Variants in TESK2 observed in about 807,000 individuals in gnomAD.
TESK2 encodes the protein testis associated actin remodelling kinase 2, also known as dual specificity testis-specific protein kinase 2.
A neutral mutation model predicts 57.1 loss-of-function variants in TESK2; 39 were observed. The observed-to-expected ratio is 0.68, with a 90% CI of 0.53 to 0.89. The LOEUF (loss-of-function observed/expected upper bound fraction) is 0.89, where lower values mean the gene tolerates loss of function less well. Ranked by LOEUF, TESK2 falls within the 40% of genes least tolerant of loss-of-function variation. TESK2 has a pLI of 0.00. For synonymous variants in TESK2, 249 were observed against 267.9 expected (o/e 0.93, Z 0.69); for missense variants, 646 against 732.1 (o/e 0.88, Z 1.36).
chr1:45,362,162 C>A (rs1484198655), intron 4 of TESK2, among the ~76,000 whole-genome samples: 2 of 152,124 alleles, frequency 1.3e-5, no homozygotes, highest in Non-Finnish European at 1.5e-5. Flanking sequence ...GATTGCCCAG[C>A]CTCCAGAAGT....
rs148755334 is a variant in TESK2, at chr1:45,403,338, G to GT, written c.345-17379dup. On this transcript the variant is annotated intron_variant, in intron 3 of 10. Transcript: ENST00000372086. ...CCAGAAGAACTATGAATCTAAACCC[G>GT]TAAAAAGGCAGTAATATCCTCGGGT... Among the ~76,000 whole-genome samples, 1,347 of 152,118 alleles carry GT rather than the reference G, an allele frequency of 8.9e-3. 21 individuals are homozygous for GT. The highest frequency in any genetic ancestry group is 0.034 in the Middle Eastern group (10 of 294).
At chr1:45,365,562 G>A (rs1035752747) in intron 4 of TESK2, among the ~76,000 whole-genome samples, 1 of 151,888 alleles carries the variant, frequency 6.6e-6, no homozygotes, top group Non-Finnish European at 1.5e-5. Context: ...TGCCCAGGCT[G>A]GAGCACAATG....
rs758096680 is a variant in TESK2, at chr1:45,345,216, A to G, written c.1340T>C (p.Leu447Pro). 1 of 1,614,128 alleles carries G rather than the reference A, an allele frequency of 6.2e-7. No individual in the cohort carries two copies. The highest frequency in any genetic ancestry group is 1.1e-5 in the South Asian group (1 of 91,088). ...ACGCCACCGGCGAATAGGTGGGGCC[A>G]GGGGCTCCTGCCAGTCAGCCAGGGG... is the stretch of plus-strand genomic sequence containing the variant. ...TMPLADWQEP[L>P]APPIRRWRSL... is the part of the protein sequence containing the mutation. The change falls in exon 11 of 11, where the codon CTG becomes CCG. Residue 447 changes from leucine (L) to proline (P), a missense_variant. Coordinates refer to ENST00000372086, the MANE Select transcript of TESK2 (RefSeq NM_007170.3).
chr1:45,427,234 CAAAAAAAAAAAA>C (rs111269135), intron 2 of TESK2, among the ~76,000 whole-genome samples: 94,421 of 129,998 alleles, frequency 0.73, 32,250 homozygotes, highest in Non-Finnish European at 0.79. Context: ...GACTCTGTCT[CAAAAAAAAAAAA>C]AAAAAAAAAA....
At chr1:45,390,507 T>C (rs964102188) in intron 3 of TESK2, among the ~76,000 whole-genome samples, 2 of 151,462 alleles carry the variant, frequency 1.3e-5, no homozygotes, top group African/African-American at 4.9e-5. Flanking sequence ...CACTAAAATA[T>C]GAATCTAATT....
intron 3 of TESK2, among the ~76,000 whole-genome samples, chr1:45,407,054 A>G (rs1420862286): frequency 6.6e-6 from 1 of 152,220 alleles, no homozygotes. Flanking sequence ...CATTCAGGGG[A>G]AAAAAATCAA....
At chr1:45,360,770 A>T (rs544829759) in intron 4 of TESK2, among the ~76,000 whole-genome samples, 28 of 152,280 alleles carry the variant, frequency 1.8e-4, no homozygotes, top group African/African-American at 6.0e-4. Flanking sequence ...ATGTTTCAAG[A>T]CCTCTGCATG....
intron 3 of TESK2, among the ~76,000 whole-genome samples, chr1:45,404,504 C>A (rs951572190): frequency 1.3e-5 from 2 of 151,732 alleles, no homozygotes; most frequent in African/African-American, 2.4e-5. Flanking sequence ...CTCATTTAAT[C>A]CTTGTAAAAA....
At chr1:45,427,787 G>A (rs962666104) in intron 2 of TESK2, among the ~76,000 whole-genome samples, 1 of 152,160 alleles carries the variant, frequency 6.6e-6, no homozygotes, top group African/African-American at 2.4e-5. Flanking sequence ...GTGTGGGGGA[G>A]TGGGGGCAGT....
At position 45,369,639 on chromosome 1, in the gene TESK2, G is replaced by A. The variant is rs547147649; in HGVS notation, c.394-14190C>T. On this transcript the variant is annotated intron_variant, in intron 4 of 10. Transcript: ENST00000372086. ...GGAGGCGGGCAGAGAGGATGCGGCC[G>A]AGAAAAAGAATCAGGAAAGGTTTTA... Among the ~76,000 whole-genome samples, 13 of 152,144 alleles carry A rather than the reference G, an allele frequency of 8.5e-5. No individual in the cohort carries two copies. The East Asian group carries it at 1.2e-3, about 14-fold the overall frequency.
chr1:45,352,320 C>G (rs1159540974), intron 5 of TESK2, among the ~76,000 whole-genome samples: 2 of 152,164 alleles, frequency 1.3e-5, no homozygotes, highest in Admixed American at 1.3e-4. Flanking sequence ...TCCTATGTTC[C>G]TAGTTTCTTG....
intron 2 of TESK2, among the ~76,000 whole-genome samples, chr1:45,441,772 A>C (rs998120549): frequency 6.6e-6 from 1 of 151,398 alleles, no homozygotes; most frequent in African/African-American, 2.4e-5. Flanking sequence ...ACGTGCCACC[A>C]CGCCCAGCTA....
At chr1:45,489,523 C>T (rs1653629326) in intron 1 of TESK2, among the ~76,000 whole-genome samples, 1 of 152,234 alleles carries the variant, frequency 6.6e-6, no homozygotes, top group South Asian at 2.1e-4. Context: ...GGAGCAGTGG[C>T]TCACGCCTGT....
intron 3 of TESK2, among the ~76,000 whole-genome samples, chr1:45,391,550 T>C (rs1043634481): frequency 2.0e-5 from 3 of 152,208 alleles, no homozygotes; most frequent in Non-Finnish European, 4.4e-5. Context: ...CTACCTAGTA[T>C]AGTGTCTGGA....
In TESK2 at chr1:45,436,181, C is replaced by CTTT. The variant is rs1170732475; in HGVS notation, c.223-14338_223-14336dup. 6.5e-3 allele frequency among the ~76,000 whole-genome samples: 365 copies of CTTT among 56,542 alleles called. 72 individuals carry two copies. The highest frequency in any genetic ancestry group is 0.019 in the East Asian group (25 of 1,348). 37.1% of individuals were successfully genotyped at this position (56,542 alleles called of 152,430 possible). On this transcript the variant is annotated intron_variant, in intron 2 of 10. Transcript: ENST00000372086. ...CTGTGAAAAATGACATTGGTATCTTCTTTTTTTTTTTTTTTTTTTTTGAGA... is the reference window on the plus strand; with the variant it reads ...CTGTGAAAAATGACATTGGTATCTTCTTTTTTTTTTTTTTTTTTTTTTTTGAGA...
chr1:45,425,828 C>T (rs1650667693), intron 2 of TESK2, among the ~76,000 whole-genome samples: 2 of 151,988 alleles, frequency 1.3e-5, no homozygotes, highest in Non-Finnish European at 2.9e-5. Context: ...GACCCAGAAT[C>T]GCCAAAGCCA....
chr1:45,430,501 A>G (rs55863004), intron 2 of TESK2, among the ~76,000 whole-genome samples: 3 of 152,212 alleles, frequency 2.0e-5, no homozygotes, highest in African/African-American at 7.2e-5. Context: ...AAACAAACAA[A>G]CAAACAGAAA....
At chr1:45,412,363 T>C (rs1650067742) in intron 3 of TESK2, among the ~76,000 whole-genome samples, 1 of 152,242 alleles carries the variant, frequency 6.6e-6, no homozygotes, top group African/African-American at 2.4e-5. Flanking sequence ...AGCTTCTCAT[T>C]AGAAGCAAGG....
chr1:45,398,724 C>T (rs572175582), intron 3 of TESK2: 352 of 230,400 alleles, frequency 1.5e-3, no homozygotes, highest in Non-Finnish European at 1.6e-3. Flanking sequence ...TTCCCCTTTC[C>T]TCCTGAAGTA....
Sources: gnomAD v4.1 joint callset for allele counts (sites outside exome capture counted in the v4.1 genomes callset) on GRCh38, gnomAD v4.1.1 for gene constraint, MANE v1.5 for transcripts, NCBI Gene and HGNC (gene_info 2026-07-23, HGNC 2026-07-21) for gene names.